SLF1: variants seen among roughly 807,000 people sequenced by gnomAD.
SLF1 encodes SMC5-SMC6 complex localization factor protein 1.
Under a neutral mutation model 123.0 loss-of-function variants are expected in SLF1, and 105 were observed. The ratio of observed to expected loss-of-function variants is 0.85; its 90% CI spans 0.73 to 1.00. The LOEUF (loss-of-function observed/expected upper bound fraction) is 1.00, where lower values mean the gene tolerates loss of function less well. Among genes scored for constraint, SLF1 ranks in the 50% least tolerant of loss-of-function variants. The probability of loss-of-function intolerance (pLI) is 0.00; values close to 1 mark genes in which losing one functional copy is unlikely to be tolerated. For synonymous variants in SLF1, 434 were observed against 406.6 expected, an observed-to-expected ratio of 1.07 and a Z score of -0.81; for missense variants, 1,239 against 1,223.0, an observed-to-expected ratio of 1.01 and a Z score of -0.20.
chr5:94,645,238 T>C (rs2152475461), intron 5 of SLF1, among the ~76,000 whole-genome samples: 1 of 152,332 alleles, frequency 6.6e-6, no homozygotes, highest in African/African-American at 2.4e-5. Flanking sequence ...CAGAAGAATG[T>C]AACCTGAAAT....
chr5:94,625,977 G>A (rs1792201833), intron 1 of SLF1, among the ~76,000 whole-genome samples: 1 of 151,834 alleles, frequency 6.6e-6, no homozygotes, highest in Non-Finnish European at 1.5e-5. Flanking sequence ...TGATTAGGTC[G>A]GGCGCGGTGG....
chr5:94,628,416 C>T (rs905685875), intron 1 of SLF1, among the ~76,000 whole-genome samples: 4 of 152,232 alleles, frequency 2.6e-5, no homozygotes, highest in African/African-American at 2.4e-5. Context: ...GGATTACAGG[C>T]GTGAGCCACT....
intron 5 of SLF1, among the ~76,000 whole-genome samples, chr5:94,644,082 A>G (rs754095028): frequency 4.5e-4 from 69 of 152,126 alleles, no homozygotes; most frequent in Non-Finnish European, 8.7e-4. Context: ...GTCAACTACT[A>G]AGTCTTACTG....
intron 4 of SLF1, among the ~76,000 whole-genome samples, chr5:94,642,298 T>C (rs1234280613): frequency 1.3e-5 from 2 of 152,216 alleles, no homozygotes; most frequent in African/African-American, 2.4e-5. Flanking sequence ...TCAATCTTTT[T>C]CATGAGCATT....
At chr5:94,691,354 C>A in intron 18 of SLF1, 1 of 478,788 alleles carries the variant, frequency 2.1e-6, no homozygotes, top group Non-Finnish European at 3.7e-6. Context: ...GCTGATAGAA[C>A]AGAAGCAGTA....
chr5:94,666,113 T>G (rs1434077620), intron 12 of SLF1, 89 bp downstream of exon 12: 41 of 1,274,544 alleles, frequency 3.2e-5, no homozygotes, highest in Non-Finnish European at 4.3e-5. Flanking sequence ...AAGAAGTATC[T>G]TTCTACTTTT....
intron 15 of SLF1, among the ~76,000 whole-genome samples, chr5:94,685,943 T>C (rs916274465): frequency 7.9e-5 from 12 of 152,148 alleles, no homozygotes; most frequent in Admixed American, 6.5e-4. Flanking sequence ...TACATGCTCC[T>C]GTTTCATGTT....
chr5:94,695,363 GTACT>G lies in SLF1; in HGVS notation c.*56_*59del, dbSNP rs1271719593. On this transcript the variant is annotated 3_prime_UTR_variant, in exon 21 of 21. Transcript: ENST00000265140. Reference sequence around the variant, plus strand: ...TTCTAAATCTGTTCAGTTTGCATTGGTACTTACTGTGGACTTCATAGCTTACTGA... The same window carrying G: ...TTCTAAATCTGTTCAGTTTGCATTGGTACTGTGGACTTCATAGCTTACTGA... The G allele has an allele frequency of 1.3e-6, 2 of 1,530,936 alleles. No individual in the cohort carries two copies. The highest frequency in any genetic ancestry group is 1.4e-5 in the African/African-American group (1 of 72,148). 94.8% of individuals were successfully genotyped at this position (1,530,936 alleles called of 1,614,324 possible).
At chr5:94,667,313 G>C (rs951183871) in intron 12 of SLF1, among the ~76,000 whole-genome samples, 9 of 152,194 alleles carry the variant, frequency 5.9e-5, no homozygotes, top group African/African-American at 1.9e-4. Context: ...ATAGGTATAT[G>C]ATGTGAGAAA....
chr5:94,651,862 T>A lies in SLF1; in HGVS notation c.882+17T>A, dbSNP rs1747761434. Reference sequence around the variant, plus strand: ...GAAAATCAGGTACAACTTTCCAAATTAAAAATAATTTATTTTTAATATATA... The same window carrying A: ...GAAAATCAGGTACAACTTTCCAAATAAAAAATAATTTATTTTTAATATATA... On this transcript the variant is annotated intron_variant, in intron 7 of 20. Transcript: ENST00000265140. The A allele has an allele frequency of 1.6e-6, 2 of 1,278,582 alleles. No individual in the cohort carries two copies. Among genetic ancestry groups the A allele is most frequent in the Admixed American group, 3.2e-5 (1 of 31,184 alleles). 79.2% of individuals were successfully genotyped at this position (1,278,582 alleles called of 1,614,324 possible).
At chr5:94,638,108 C>T (rs1244780060) in intron 4 of SLF1, among the ~76,000 whole-genome samples, 1 of 152,044 alleles carries the variant, frequency 6.6e-6, no homozygotes, top group Admixed American at 6.5e-5. Flanking sequence ...AGGTATGTTG[C>T]GCTACCACCA....
intron 1 of SLF1, among the ~76,000 whole-genome samples, chr5:94,626,621 A>G (rs990964327): frequency 6.6e-6 from 1 of 152,172 alleles, no homozygotes; most frequent in Non-Finnish European, 1.5e-5. Flanking sequence ...ATTGTTTTGA[A>G]GGAGATGATG....
In SLF1 at chr5:94,687,690, TCAACAACAA is replaced by T. The variant is rs142879632; in HGVS notation, c.2122-794_2122-786del. ...CTAGGTGGCACACTAAGACCCTGTC[TCAACAACAA>T]CAACAACAACAACAACAACAAAGAA... On this transcript the variant is annotated intron_variant, in intron 16 of 20. Coordinates refer to ENST00000265140, the MANE Select transcript of SLF1 (RefSeq NM_032290.4). Among the ~76,000 whole-genome samples the T allele has an allele frequency of 4.5e-4, 67 of 150,242 alleles. 1 individual carries two copies. In the East Asian group the frequency reaches 5.5e-3, roughly 12 times the overall value.
chr5:94,640,681 T>A (rs1023107784), intron 4 of SLF1, among the ~76,000 whole-genome samples: 21 of 152,112 alleles, frequency 1.4e-4, no homozygotes, highest in African/African-American at 4.3e-4. Context: ...TAAAAAAAAA[T>A]TTTTAGTTGG....
chr5:94,690,758 TA>T (rs146296348), intron 18 of SLF1, among the ~76,000 whole-genome samples: 6,196 of 152,230 alleles, frequency 0.041, 242 homozygotes, highest in East Asian at 0.21. Flanking sequence ...TCCCCTTAAA[TA>T]ATCACTTATA....
chr5:94,649,841 A>T (rs1747474614), intron 6 of SLF1, among the ~76,000 whole-genome samples: 1 of 152,170 alleles, frequency 6.6e-6, no homozygotes, highest in Non-Finnish European at 1.5e-5. Context: ...TTCTCAACAC[A>T]TGGTAATTAC....
At chr5:94,687,109 G>C (rs1162819539) in intron 16 of SLF1, among the ~76,000 whole-genome samples, 1 of 152,186 alleles carries the variant, frequency 6.6e-6, no homozygotes, top group Non-Finnish European at 1.5e-5. Context: ...AAGTAAGTAG[G>C]CAGAATATAT....
intron 6 of SLF1, among the ~76,000 whole-genome samples, chr5:94,649,830 G>A (rs559707511): frequency 2.6e-5 from 4 of 152,122 alleles, no homozygotes; most frequent in South Asian, 2.1e-4. Flanking sequence ...TACATAGTGC[G>A]TTCTCAACAC....
intron 14 of SLF1, 92 bp downstream of exon 14, chr5:94,671,100 C>G (rs1483775707): frequency 2.0e-5 from 19 of 943,578 alleles, no homozygotes; most frequent in Non-Finnish European, 2.3e-5. Flanking sequence ...TTGGATCACT[C>G]GAAAACAATT....
Sources: gnomAD v4.1 joint callset for allele counts (sites outside exome capture counted in the v4.1 genomes callset) on GRCh38, gnomAD v4.1.1 for gene constraint, MANE v1.5 for transcripts, NCBI Gene and HGNC (gene_info 2026-07-23, HGNC 2026-07-21) for gene names.